The following ITGB6 variants were observed in gnomAD, a reference collection of about 807,000 sequenced individuals.
The protein encoded by ITGB6 is integrin subunit beta 6.
A neutral mutation model predicts 84.5 loss-of-function variants in ITGB6; 80 were observed. The ratio of observed to expected loss-of-function variants is 0.95; its 90% confidence interval spans 0.79 to 1.14. The LOEUF (loss-of-function observed/expected upper bound fraction) is 1.14, where lower values mean the gene tolerates loss of function less well. Among genes scored for constraint, ITGB6 ranks in the 50% most tolerant of loss-of-function variants. The pLI is 0.00. For missense variants in ITGB6, 1,006 were observed against 968.0 expected, an observed-to-expected ratio of 1.04 and a Z score of -0.52; for synonymous variants, 383 against 354.9, an observed-to-expected ratio of 1.08 and a Z score of -0.89.
intron 14 of ITGB6, among the ~76,000 whole-genome samples, chr2:160,104,029 A>C (rs1430236387): frequency 6.6e-6 from 1 of 152,228 alleles, no homozygotes; most frequent in Non-Finnish European, 1.5e-5. Flanking sequence ...ATTTAGTTGA[A>C]TGTTTAATTT....
rs764735670 is a variant in ITGB6 at position 160,126,479 on chromosome 2, C to T, written c.1783G>A (p.Gly595Arg). The T allele has an allele frequency of 5.6e-6, 9 of 1,614,182 alleles. No homozygotes were observed. The highest frequency in any genetic ancestry group is 2.2e-5 in the East Asian group (1 of 44,884). Residue 595 changes from glycine (G) to arginine (R), a missense_variant, in exon 11 of 15, where the codon GGG becomes AGG. Physicochemically the swap from Gly to Arg is moderately radical, Grantham distance 125. Transcript: ENST00000283249. ...SEDGVLCSGR[G>R]DCVCGKCVCT... Reference sequence around the variant, plus strand: ...ACACACTTGCCACAAACACAGTCCCCGCGCCCGCTGCAGAGCACTCCATCT... The same window carrying T: ...ACACACTTGCCACAAACACAGTCCCTGCGCCCGCTGCAGAGCACTCCATCT...
At chr2:160,168,820 T>C (rs144707819) in intron 7 of ITGB6, among the ~76,000 whole-genome samples, 2 of 152,338 alleles carry the variant, frequency 1.3e-5, no homozygotes, top group African/African-American at 4.8e-5. Flanking sequence ...TGCCAAAGAA[T>C]GTGAAGTCAA....
At chr2:160,173,941 T>C (rs768870335) in intron 5 of ITGB6, 33 bp downstream of exon 5, 2 of 1,567,328 alleles carry the variant, frequency 1.3e-6, no homozygotes, top group South Asian at 1.2e-5. Context: ...AATTTTATGT[T>C]AACAGAGTGA....
chr2:160,153,085 T>C (rs547284844), intron 7 of ITGB6, among the ~76,000 whole-genome samples: 2 of 152,282 alleles, frequency 1.3e-5, no homozygotes, highest in Non-Finnish European at 2.9e-5. Flanking sequence ...TGGAAAAAAC[T>C]ACTTTAAAGT....
chr2:160,115,268 C>A (rs1326413765), intron 12 of ITGB6, among the ~76,000 whole-genome samples: 1 of 152,238 alleles, frequency 6.6e-6, no homozygotes, highest in African/African-American at 2.4e-5. Flanking sequence ...ACTGACACCT[C>A]ACACAGCCGG....
At chr2:160,121,040 C>A (rs143374414) in intron 12 of ITGB6, among the ~76,000 whole-genome samples, 4,008 of 151,016 alleles carry the variant, frequency 0.027, 68 homozygotes, top group South Asian at 0.076. Context: ...TGCACATGTA[C>A]CCTAAAACTT....
chr2:160,122,462 T>C (rs1038888000), intron 12 of ITGB6, among the ~76,000 whole-genome samples: 2 of 152,160 alleles, frequency 1.3e-5, no homozygotes, highest in South Asian at 2.1e-4. Flanking sequence ...TTTTCTGCAA[T>C]TTTTACGCGT....
chr2:160,122,576 G>C (rs528996115), intron 12 of ITGB6, among the ~76,000 whole-genome samples: 14 of 152,198 alleles, frequency 9.2e-5, no homozygotes, highest in Non-Finnish European at 1.8e-4. Context: ...AGTCCACAGA[G>C]GCTGTCTGCT....
At chr2:160,155,555 A>C (rs1437528908) in intron 7 of ITGB6, among the ~76,000 whole-genome samples, 1 of 152,164 alleles carries the variant, frequency 6.6e-6, no homozygotes, top group Non-Finnish European at 1.5e-5. Flanking sequence ...ATTTATGGAG[A>C]GAGTAGGTAT....
At chr2:160,197,632 A>G (rs757293087) in intron 2 of ITGB6, among the ~76,000 whole-genome samples, 1 of 152,230 alleles carries the variant, frequency 6.6e-6, no homozygotes, top group Non-Finnish European at 1.5e-5. Flanking sequence ...ATTTCTTCTG[A>G]AATTGATTTT....
At chr2:160,106,752 A>C (rs1696924191) in intron 14 of ITGB6, among the ~76,000 whole-genome samples, 3 of 152,198 alleles carry the variant, frequency 2.0e-5, no homozygotes, top group Admixed American at 2.0e-4. Flanking sequence ...TATCAAGATA[A>C]ATTTATCAAA....
intron 4 of ITGB6, among the ~76,000 whole-genome samples, chr2:160,182,608 G>A (rs1254116786): frequency 6.6e-6 from 1 of 152,098 alleles, no homozygotes; most frequent in Non-Finnish European, 1.5e-5. Flanking sequence ...ACACAGCAAG[G>A]CAGGGCAACA....
intron 7 of ITGB6, among the ~76,000 whole-genome samples, chr2:160,152,195 T>C (rs897541690): frequency 4.7e-4 from 72 of 152,320 alleles, no homozygotes; most frequent in African/African-American, 1.6e-3. Context: ...GCGAAAATCC[T>C]CAATAAAATA....
intron 12 of ITGB6, among the ~76,000 whole-genome samples, chr2:160,117,655 T>A (rs1160584583): frequency 3.3e-5 from 5 of 151,736 alleles, no homozygotes; most frequent in East Asian, 1.9e-4. Flanking sequence ...GGCAAGAAAT[T>A]ACTAAAATCA....
At chr2:160,150,971 T>C (rs80337892) in intron 7 of ITGB6, among the ~76,000 whole-genome samples, 1 of 152,086 alleles carries the variant, frequency 6.6e-6, no homozygotes, top group Non-Finnish European at 1.5e-5. Flanking sequence ...CTTAGAAACC[T>C]ACAAAGAGAC....
At chr2:160,126,130 C>T (rs1032384998) in intron 11 of ITGB6, among the ~76,000 whole-genome samples, 2 of 152,116 alleles carry the variant, frequency 1.3e-5, no homozygotes, top group East Asian at 1.9e-4. Flanking sequence ...GCTCTACTTC[C>T]CCACACTAGT....
intron 4 of ITGB6, among the ~76,000 whole-genome samples, chr2:160,181,650 C>G (rs1048174551): frequency 2.6e-5 from 4 of 152,238 alleles, no homozygotes; most frequent in Non-Finnish European, 5.9e-5. Context: ...AAGGGACAGA[C>G]TGCCTCCTCA....
At chr2:160,148,619 A>T (rs1230527956) in intron 7 of ITGB6, among the ~76,000 whole-genome samples, 1 of 152,180 alleles carries the variant, frequency 6.6e-6, no homozygotes, top group Non-Finnish European at 1.5e-5. Flanking sequence ...TGCAGCTGAC[A>T]GAGGGTGAGC....
chr2:160,102,887 A>G (rs957842376), intron 14 of ITGB6, among the ~76,000 whole-genome samples: 6 of 152,190 alleles, frequency 3.9e-5, no homozygotes, highest in African/African-American at 1.2e-4. Context: ...TCGTCCAGGT[A>G]AAGTATTTTA....
Sources: gnomAD v4.1 joint callset for allele counts (sites outside exome capture counted in the v4.1 genomes callset) on GRCh38, gnomAD v4.1.1 for gene constraint, MANE v1.5 for transcripts, NCBI Gene and HGNC (gene_info 2026-07-23, HGNC 2026-07-21) for gene names.